DNAI7: variants seen among roughly 807,000 people sequenced by gnomAD.
DNAI7 encodes dynein axonemal intermediate chain 7.
In DNAI7, 78 loss-of-function variants were observed where a neutral mutation model predicts 86.6. That is an observed-to-expected ratio of 0.90 (90% CI 0.75 to 1.09). DNAI7 has a LOEUF of 1.09. Ranked by LOEUF, DNAI7 falls within the 50% of genes least tolerant of loss-of-function variation. The pLI, the probability that DNAI7 is intolerant of heterozygous loss-of-function variation, is 0.00. For synonymous variants in DNAI7, 274 were observed against 273.0 expected (o/e 1.00, Z -0.04); for missense variants, 753 against 810.2 (o/e 0.93, Z 0.86).
intron 2 of DNAI7, among the ~76,000 whole-genome samples, chr12:25,175,932 T>A (rs1229471912): frequency 1.3e-5 from 2 of 151,618 alleles, no homozygotes; most frequent in East Asian, 3.9e-4. Context: ...TATAAAAAAT[T>A]AGCCGGGTAT....
intron 3 of DNAI7, among the ~76,000 whole-genome samples, chr12:25,159,776 G>C (rs1565765970): frequency 6.6e-6 from 1 of 151,882 alleles, no homozygotes; most frequent in Admixed American, 6.6e-5. Context: ...TATTGTATTT[G>C]TATCAGGAGT....
At chr12:25,178,320 A>G (rs764247094) in intron 2 of DNAI7, among the ~76,000 whole-genome samples, 17 of 151,490 alleles carry the variant, frequency 1.1e-4, no homozygotes, top group Non-Finnish European at 2.1e-4. Context: ...TTCTTCATGA[A>G]AACAGTTTAA....
At chr12:25,151,423 T>C (rs1258224363) in intron 6 of DNAI7, among the ~76,000 whole-genome samples, 1 of 152,228 alleles carries the variant, frequency 6.6e-6, no homozygotes, top group Non-Finnish European at 1.5e-5. Flanking sequence ...AGCTTTCTGC[T>C]TTCTTCCTTT....
At chr12:25,193,969 G>A (rs1950784998) in intron 1 of DNAI7, among the ~76,000 whole-genome samples, 1 of 152,142 alleles carries the variant, frequency 6.6e-6, no homozygotes, top group South Asian at 2.1e-4. Flanking sequence ...TTACAGGTGC[G>A]CGCCAACACG....
intron 9 of DNAI7, among the ~76,000 whole-genome samples, chr12:25,131,400 G>A (rs1440772092): frequency 2.0e-5 from 3 of 152,142 alleles, no homozygotes; most frequent in Non-Finnish European, 4.4e-5. Context: ...GATTATATAG[G>A]AATACAAACA....
At position 25,111,871 on chromosome 12, in the gene DNAI7, G is replaced by C; in HGVS notation, c.1680C>G (p.Thr560=). Residue 560 remains threonine (T), a synonymous_variant, in exon 14 of 16, where the codon ACC becomes ACG. Coordinates refer to ENST00000395987, the MANE Select transcript of DNAI7 (RefSeq NM_018272.5). ...TAATGAAAGGAATAGGAGTCATCCA[G>C]GTTCCTTCCAAAATAGAGATGTGTT... is the stretch of plus-strand genomic sequence containing the variant. ...DKKHISILEG[T]WMTPIPFIIA... 2 of 1,606,770 alleles carry C rather than the reference G, an allele frequency of 1.2e-6. No homozygotes were observed. The highest frequency in any genetic ancestry group is 2.2e-5 in the East Asian group (1 of 44,604).
chr12:25,169,799 A>AATCACACC (rs1947916835), intron 2 of DNAI7, among the ~76,000 whole-genome samples: 1 of 150,670 alleles, frequency 6.6e-6, no homozygotes, highest in Non-Finnish European at 1.5e-5. Context: ...AGTGAGCTGA[A>AATCACACC]ATCACACCAC....
chr12:25,175,908 T>C (rs1337605868), intron 2 of DNAI7, among the ~76,000 whole-genome samples: 1 of 151,486 alleles, frequency 6.6e-6, no homozygotes, highest in African/African-American at 2.4e-5. Context: ...TGAAACCCCA[T>C]CTCTACTAAA....
intron 6 of DNAI7, 64 bp from the exon 7 acceptor site, chr12:25,149,838 G>A: frequency 9.9e-7 from 1 of 1,015,072 alleles, no homozygotes; most frequent in Middle Eastern, 3.1e-4. Flanking sequence ...GTGAAAAAGG[G>A]AATGTTTTAT....
At chr12:25,116,113 G>A (rs1444610890) in intron 12 of DNAI7, among the ~76,000 whole-genome samples, 1 of 150,178 alleles carries the variant, frequency 6.7e-6, no homozygotes, top group Non-Finnish European at 1.5e-5. Context: ...TGGGGGGAGG[G>A]GTCATCTTTA....
chr12:25,159,790 C>T (rs976219019), intron 3 of DNAI7, among the ~76,000 whole-genome samples: 11 of 151,162 alleles, frequency 7.3e-5, no homozygotes, highest in Middle Eastern at 3.4e-3. Context: ...CAGGAGTCAC[C>T]GAAAAAAAAG....
At chr12:25,112,346 T>A (rs1359719241) in intron 13 of DNAI7, among the ~76,000 whole-genome samples, 1 of 152,052 alleles carries the variant, frequency 6.6e-6, no homozygotes, top group Non-Finnish European at 1.5e-5. Flanking sequence ...TATTATCCAG[T>A]TTTAAAGTCT....
chr12:25,128,601 CTT>C (rs1425630447), intron 9 of DNAI7, among the ~76,000 whole-genome samples: 5 of 152,194 alleles, frequency 3.3e-5, no homozygotes, highest in African/African-American at 4.8e-5. Flanking sequence ...AAACAGAACT[CTT>C]TGTTTCACAG....
chr12:25,128,902 A>C (rs1942499272), intron 9 of DNAI7, among the ~76,000 whole-genome samples: 1 of 152,062 alleles, frequency 6.6e-6, no homozygotes, highest in African/African-American at 2.4e-5. Context: ...ATCATGTCAC[A>C]CTCCTACTTA....
intron 12 of DNAI7, among the ~76,000 whole-genome samples, chr12:25,117,612 GAGGT>G (rs1408978604): frequency 2.0e-5 from 3 of 152,024 alleles, no homozygotes; most frequent in African/African-American, 7.3e-5. Context: ...TACTCCAAAA[GAGGT>G]ATTTGTTAAT....
At chr12:25,143,073 A>G (rs10771172) in intron 9 of DNAI7, among the ~76,000 whole-genome samples, 104,040 of 152,098 alleles carry the variant, frequency 0.68, 39,644 homozygotes, top group East Asian at 0.99. Context: ...TTTTTAAAGA[A>G]GAATAAATCA....
At chr12:25,133,447 A>C (rs1428094345) in intron 9 of DNAI7, among the ~76,000 whole-genome samples, 1 of 152,134 alleles carries the variant, frequency 6.6e-6, no homozygotes, top group Non-Finnish European at 1.5e-5. Flanking sequence ...GGCGGTTTAC[A>C]CTGTTCAGAA....
At position 25,194,935 on chromosome 12, in the gene DNAI7, C is replaced by T; in HGVS notation, c.3+141G>A. ...AAGCCATTGCTGAGAAGAGGGCCGACCCACCCCAAGGTATGAGTTATTTCC... is the reference window on the plus strand; with the variant it reads ...AAGCCATTGCTGAGAAGAGGGCCGATCCACCCCAAGGTATGAGTTATTTCC... On this transcript the variant is annotated intron_variant, in intron 1 of 15. Transcript: ENST00000395987. 10 of 1,614,182 alleles carry T rather than the reference C, an allele frequency of 6.2e-6. No homozygotes were observed. The East Asian group carries it at 6.7e-5, about 11-fold the overall frequency.
At chr12:25,152,636 C>T (rs1945690755) in intron 6 of DNAI7, among the ~76,000 whole-genome samples, 1 of 152,308 alleles carries the variant, frequency 6.6e-6, no homozygotes, top group African/African-American at 2.4e-5. Flanking sequence ...AGCAAATAAC[C>T]TGACCAATGG....
Sources: gnomAD v4.1 joint callset for allele counts (sites outside exome capture counted in the v4.1 genomes callset) on GRCh38, gnomAD v4.1.1 for gene constraint, MANE v1.5 for transcripts, NCBI Gene and HGNC (gene_info 2026-07-23, HGNC 2026-07-21) for gene names.